Variants in DRC11L observed in about 807,000 individuals in gnomAD.
DRC11L encodes dynein regulatory complex subunit like-11.
chr7:151,195,157 A>T, the DRC11L span, among the ~76,000 whole-genome samples: 1 of 152,158 alleles, frequency 6.6e-6, no homozygotes, highest in Admixed American at 6.5e-5. Context: ...AGGATCTGGA[A>T]GTGGAGAGCA....
chr7:151,203,522 G>A, the DRC11L span: 2 of 398,982 alleles, frequency 5.0e-6, no homozygotes, highest in Non-Finnish European at 8.8e-6. Context: ...AGCCTTTGGA[G>A]CAATGTTGGG....
chr7:151,191,985 G>A, the DRC11L span: 1 of 398,188 alleles, frequency 2.5e-6, no homozygotes, highest in African/African-American at 2.1e-5. Flanking sequence ...TGTGCTCCGG[G>A]GAGCAGCTCC....
chr7:151,192,752 T>C, the DRC11L span: 2 of 399,176 alleles, frequency 5.0e-6, no homozygotes, highest in Non-Finnish European at 8.8e-6. Flanking sequence ...CCTCCTTGTC[T>C]TCTTTGGGGG....
chr7:151,200,642 G>C, the DRC11L span, among the ~76,000 whole-genome samples: 1 of 152,092 alleles, frequency 6.6e-6, no homozygotes, highest in Non-Finnish European at 1.5e-5. Context: ...GTGGTTTCAG[G>C]TGGGCACTCA....
chr7:151,197,252 C>T, the DRC11L span: 1 of 399,564 alleles, frequency 2.5e-6, no homozygotes, highest in Non-Finnish European at 4.4e-6. Context: ...TCTTTTTCAT[C>T]CTTTCCTTTT....
the DRC11L span, chr7:151,191,981 C>G: frequency 7.5e-6 from 3 of 398,216 alleles, no homozygotes; most frequent in Non-Finnish European, 1.3e-5. Context: ...GTTTTGTGCT[C>G]CGGGGAGCAG....
chr7:151,193,751 C>A, the DRC11L span, among the ~76,000 whole-genome samples: 1 of 152,174 alleles, frequency 6.6e-6, no homozygotes, highest in Admixed American at 6.5e-5. Context: ...CCTGCTACCC[C>A]CACTAATGCC....
At chr7:151,197,350 T>C in the DRC11L span, 1 of 399,084 alleles carries the variant, frequency 2.5e-6, no homozygotes, top group Non-Finnish European at 4.4e-6. Context: ...ACCCAAGACA[T>C]TTCAGAGAAG....
At chr7:151,204,442 G>A in the DRC11L span, 1 of 398,666 alleles carries the variant, frequency 2.5e-6, no homozygotes, top group Non-Finnish European at 4.4e-6. Flanking sequence ...GTCAAGGCCG[G>A]TCCCACCCCA....
At chr7:151,197,953 G>A in the DRC11L span, 5 of 397,328 alleles carry the variant, frequency 1.3e-5, no homozygotes, top group Non-Finnish European at 2.2e-5. Flanking sequence ...TAGATGGATG[G>A]ACAAATGGAT....
chr7:151,196,543 T>C, the DRC11L span: 184,317 of 399,486 alleles, frequency 0.46, 44,968 homozygotes, highest in Middle Eastern at 0.53. Flanking sequence ...TCACACCGGT[T>C]CTTCCATGTA....
the DRC11L span, chr7:151,195,457 T>G: frequency 2.5e-6 from 1 of 399,310 alleles, no homozygotes; most frequent in Non-Finnish European, 4.4e-6. Flanking sequence ...TTTTTCCTTC[T>G]TTTTCCCAGT....
At chr7:151,196,141 G>T in the DRC11L span, among the ~76,000 whole-genome samples, 8 of 152,312 alleles carry the variant, frequency 5.3e-5, no homozygotes, top group African/African-American at 1.9e-4. Flanking sequence ...TGGTGGGGGG[G>T]TGTGGACACC....
the DRC11L span, chr7:151,200,249 C>G: frequency 5.0e-6 from 2 of 398,110 alleles, no homozygotes; most frequent in Non-Finnish European, 8.9e-6. Context: ...TCTTTCTCTC[C>G]CAGGCTGTTC....
the DRC11L span, chr7:151,204,380 C>A: frequency 2.6e-6 from 1 of 387,610 alleles, no homozygotes; most frequent in Non-Finnish European, 4.5e-6. Context: ...CGGCCCCATC[C>A]CTACCCCACC....
At chr7:151,196,035 G>A in the DRC11L span, 583 of 229,126 alleles carry the variant, frequency 2.5e-3, 5 homozygotes, top group African/African-American at 0.011. Flanking sequence ...GGAAAACCAC[G>A]GTACTTTCCT....
the DRC11L span, chr7:151,195,606 T>G: frequency 2.5e-6 from 1 of 399,924 alleles, no homozygotes; most frequent in South Asian, 1.3e-4. Context: ...TTCTTCCTCC[T>G]TGTCCACAGC....
chr7:151,192,627 C>G, the DRC11L span: 1 of 398,866 alleles, frequency 2.5e-6, no homozygotes, highest in Non-Finnish European at 4.4e-6. Flanking sequence ...AGTAGAGGGG[C>G]ATGTGCAAGG....
the DRC11L span, among the ~76,000 whole-genome samples, chr7:151,199,885 T>C: frequency 1.3e-5 from 2 of 152,160 alleles, no homozygotes; most frequent in Non-Finnish European, 2.9e-5. This position sits in a 1 kb window ranked among gnomAD's most constrained non-coding sequence, Gnocchi z 5.2. Flanking sequence ...GATAGACAGA[T>C]TCAAGGAGCC....
Sources: gnomAD v4.1 joint callset for allele counts (sites outside exome capture counted in the v4.1 genomes callset) on GRCh38, gnomAD v4.1.1 for gene constraint, Gnocchi (gnomAD v3.1) non-coding constraint, MANE v1.5 for transcripts, NCBI Gene and HGNC (gene_info 2026-07-23, HGNC 2026-07-21) for gene names.